The following SLC35D4 variants were observed in gnomAD, a reference collection of about 807,000 sequenced individuals.
The protein encoded by SLC35D4 is UDP-N-acetylglucosamine transporter SLC35D4.
the SLC35D4 span, chr18:23,384,874 T>C: frequency 1.2e-6 from 1 of 832,928 alleles, no homozygotes. Flanking sequence ...TCAGGTAATC[T>C]TGCCTGGAGA....
the SLC35D4 span, among the ~76,000 whole-genome samples, chr18:23,292,452 G>A: frequency 6.6e-6 from 1 of 152,196 alleles, no homozygotes. Flanking sequence ...AAAGAAACTG[G>A]GACACTCTGG....
the SLC35D4 span, among the ~76,000 whole-genome samples, chr18:23,398,663 G>A: frequency 6.6e-6 from 1 of 152,216 alleles, no homozygotes; most frequent in Non-Finnish European, 1.5e-5. Flanking sequence ...AGTCCTCACT[G>A]CTATTTTGCA....
the SLC35D4 span, chr18:23,430,535 C>CA: frequency 3.1e-4 from 322 of 1,054,296 alleles, no homozygotes; most frequent in African/African-American, 3.1e-3. Context: ...GTCTATTTGA[C>CA]AAAAAAAATC....
At chr18:23,298,146 G>T in the SLC35D4 span, 3 of 1,540,506 alleles carry the variant, frequency 1.9e-6, no homozygotes, top group South Asian at 1.1e-5. Flanking sequence ...CGCAGGGCAA[G>T]GGGTGCTTCC....
chr18:23,266,734 T>A, the SLC35D4 span, among the ~76,000 whole-genome samples: 1 of 152,238 alleles, frequency 6.6e-6, no homozygotes, highest in South Asian at 2.1e-4. Flanking sequence ...GAGGCCCCTG[T>A]GGCCTTGAGG....
chr18:23,351,502 G>T, the SLC35D4 span, among the ~76,000 whole-genome samples: 3 of 151,920 alleles, frequency 2.0e-5, no homozygotes, highest in African/African-American at 7.3e-5. Flanking sequence ...AATGTTTGAG[G>T]TTTTTTTTCT....
the SLC35D4 span, among the ~76,000 whole-genome samples, chr18:23,354,538 A>G: frequency 2.8e-5 from 4 of 141,044 alleles, no homozygotes; most frequent in Admixed American, 1.4e-4. Flanking sequence ...AAAAAAAAAG[A>G]TGTGCCAGGC....
At chr18:23,298,173 A>G in the SLC35D4 span, 1 of 1,308,212 alleles carries the variant, frequency 7.6e-7, no homozygotes, top group Non-Finnish European at 1.1e-6. Flanking sequence ...CCTGCAACTG[A>G]GACTCATCAC....
chr18:23,263,497 G>A, the SLC35D4 span, among the ~76,000 whole-genome samples: 2 of 152,232 alleles, frequency 1.3e-5, no homozygotes, highest in African/African-American at 2.4e-5. Context: ...TCCATAACAA[G>A]TAAGCTAAGG....
chr18:23,256,076 C>T, the SLC35D4 span, among the ~76,000 whole-genome samples: 2 of 152,162 alleles, frequency 1.3e-5, no homozygotes, highest in Admixed American at 6.5e-5. Flanking sequence ...ATGGTTTGAC[C>T]AGCCACTTAC....
At chr18:23,369,755 C>G in the SLC35D4 span, among the ~76,000 whole-genome samples, 1 of 152,134 alleles carries the variant, frequency 6.6e-6, no homozygotes, top group Non-Finnish European at 1.5e-5. Context: ...AGAAGAGGGC[C>G]GGCTTCAAGG....
chr18:23,381,589 A>C, the SLC35D4 span, among the ~76,000 whole-genome samples: 1 of 152,274 alleles, frequency 6.6e-6, no homozygotes, highest in African/African-American at 2.4e-5. Flanking sequence ...CAACAACAAC[A>C]ACAACAACAA....
the SLC35D4 span, among the ~76,000 whole-genome samples, chr18:23,356,227 T>C: frequency 5.3e-5 from 8 of 152,360 alleles, no homozygotes; most frequent in Non-Finnish European, 8.8e-5. The surrounding 1 kb of genome is among the most constrained non-coding windows in gnomAD (Gnocchi z 4.1). Flanking sequence ...GGTGGGATTC[T>C]GAACCCAAAT....
the SLC35D4 span, among the ~76,000 whole-genome samples, chr18:23,273,643 T>C: frequency 1.3e-5 from 2 of 152,162 alleles, no homozygotes; most frequent in Non-Finnish European, 2.9e-5. Context: ...TGAGGACTTC[T>C]GGGGTGACTG....
chr18:23,298,623 CAGAG>C, the SLC35D4 span, among the ~76,000 whole-genome samples: 55 of 152,174 alleles, frequency 3.6e-4, no homozygotes, highest in Admixed American at 1.4e-3. Flanking sequence ...GAACTGGAGA[CAGAG>C]AGGGAAGAAG....
the SLC35D4 span, among the ~76,000 whole-genome samples, chr18:23,405,457 T>C: frequency 1.3e-5 from 2 of 152,234 alleles, no homozygotes; most frequent in Admixed American, 6.5e-5. Flanking sequence ...CCCAAAGTGC[T>C]GGGATTACAG....
chr18:23,338,348 A>G, the SLC35D4 span, among the ~76,000 whole-genome samples: 1 of 152,196 alleles, frequency 6.6e-6, no homozygotes, highest in Non-Finnish European at 1.5e-5. Flanking sequence ...ACAAACAGTA[A>G]ATTCAGACCC....
the SLC35D4 span, among the ~76,000 whole-genome samples, chr18:23,360,349 T>C: frequency 6.6e-6 from 1 of 152,194 alleles, no homozygotes; most frequent in Non-Finnish European, 1.5e-5. Flanking sequence ...TATGAGAATG[T>C]TCAGAGCAGC....
the SLC35D4 span, among the ~76,000 whole-genome samples, chr18:23,379,916 C>T: frequency 1.1e-4 from 16 of 151,878 alleles, no homozygotes; most frequent in Non-Finnish European, 2.4e-4. Context: ...GACAACATGG[C>T]GAAACCCCGT....
Sources: allele counts gnomAD v4.1 joint callset (sites outside exome capture counted in the v4.1 genomes callset), GRCh38; gene constraint gnomAD v4.1.1; non-coding constraint Gnocchi (gnomAD v3.1); transcripts MANE v1.5; gene names NCBI Gene and HGNC (gene_info 2026-07-23, HGNC 2026-07-21).